TSEN2: variants seen among roughly 807,000 people sequenced by gnomAD.
The protein encoded by TSEN2 is tRNA-splicing endonuclease subunit Sen2.
TSEN2 carries 54 observed loss-of-function variants against 59.2 expected under a neutral mutation model. The observed-to-expected ratio is 0.91, with a 90% CI of 0.73 to 1.14. TSEN2 has a LOEUF of 1.14. Ranked by LOEUF, TSEN2 falls within the 50% of genes most tolerant of loss-of-function variation. The pLI is 0.00. For synonymous variants in TSEN2, 195 were observed against 198.2 expected, an observed-to-expected ratio of 0.98 and a Z score of 0.14; for missense variants, 636 against 576.2, an observed-to-expected ratio of 1.10 and a Z score of -1.06.
chr3:12,523,526 C>CTTTTTTTTTTTTGTTTTTTTTTTTTT (rs2056825979), intron 8 of TSEN2, among the ~76,000 whole-genome samples: 1 of 46,480 alleles, frequency 2.2e-5, no homozygotes, highest in Non-Finnish European at 4.3e-5. Flanking sequence ...CTCTTTGATT[C>CTTTTTTTTTTTTGTTTTTTTTTTTTT]TTTTTTTTTT....
intron 4 of TSEN2, among the ~76,000 whole-genome samples, chr3:12,502,812 A>T (rs1344779154): frequency 6.6e-6 from 1 of 151,822 alleles, no homozygotes; most frequent in Non-Finnish European, 1.5e-5. Context: ...GGTGGCTCAC[A>T]CCTGTAATCC....
chr3:12,524,917 T>C (rs1003041990), intron 8 of TSEN2, among the ~76,000 whole-genome samples: 18 of 151,880 alleles, frequency 1.2e-4, no homozygotes, highest in African/African-American at 4.1e-4. Flanking sequence ...CTAACATTTG[T>C]ATTTTTAGTA....
At chr3:12,481,939 A>G (rs1391192314), upstream of TSEN2, among the ~76,000 whole-genome samples, 2 of 150,076 alleles carry the variant, frequency 1.3e-5, no homozygotes, top group Non-Finnish European at 3.0e-5. Context: ...ATATATATAT[A>G]TATGTAGATG....
intron 1 of TSEN2, among the ~76,000 whole-genome samples, chr3:12,486,137 A>G (rs2052589035): frequency 6.6e-6 from 1 of 152,176 alleles, no homozygotes; most frequent in African/African-American, 2.4e-5. Flanking sequence ...GTGGATACCA[A>G]GGGATGACTA....
intron 4 of TSEN2, among the ~76,000 whole-genome samples, chr3:12,502,002 A>G (rs2054322837): frequency 6.6e-6 from 1 of 152,228 alleles, no homozygotes; most frequent in African/African-American, 2.4e-5. Context: ...CAAGTTTTAG[A>G]AACTTAACAA....
chr3:12,507,283 A>G (rs149149238), intron 6 of TSEN2, among the ~76,000 whole-genome samples: 19 of 152,358 alleles, frequency 1.2e-4, no homozygotes, highest in African/African-American at 4.3e-4. Context: ...ACGTGTGGCC[A>G]CTGGCTACTG....
Position 12,532,668 on chromosome 3 carries a change from A to G in TSEN2, c.1345A>G (p.Ile449Val), listed in dbSNP as rs1443193405. 3 of 1,613,940 alleles carry G rather than the reference A, an allele frequency of 1.9e-6. No individual in the cohort carries two copies. Among genetic ancestry groups the G allele is most frequent in the Non-Finnish European group, 2.5e-6 (3 of 1,180,012 alleles). Residue 449 changes from isoleucine (I) to valine (V), a missense_variant, in exon 12 of 12, where the codon ATT (isoleucine) becomes GTT (valine). Transcript: ENST00000284995. ...CMKRIKVQEV[I>V]LSRWVSSRER... ...TTTTTTTTATTGGTTGTAGGAGGTG[A>G]TTCTGAGTCGATGGGTTTCTTCACG...
At chr3:12,529,728 ATTAC>A (rs1160091417) in intron 9 of TSEN2, 30 bp from the exon 10 acceptor site, 1 of 1,581,470 alleles carries the variant, frequency 6.3e-7, no homozygotes, top group Non-Finnish European at 8.7e-7. Context: ...TTATTTCATG[ATTAC>A]TTTTAACATG....
chr3:12,484,075 T>C (rs561050218), upstream of TSEN2, among the ~76,000 whole-genome samples: 1 of 152,356 alleles, frequency 6.6e-6, no homozygotes, highest in African/African-American at 2.4e-5. Context: ...GGTGCGCTGC[T>C]GTGATCCTCT....
In TSEN2 at chr3:12,503,793, A is replaced by C; in HGVS notation, c.831+9A>C. On this transcript the variant is annotated intron_variant, in intron 5 of 11. Coordinates refer to ENST00000284995, the MANE Select transcript of TSEN2 (RefSeq NM_025265.4). ...CTGCCCCAAATGAGGAAGTAAGTAG[A>C]AGAAAATAAATCGCTTCCTCCAAAG... 6.2e-7 allele frequency: 1 copy of C among 1,613,286 alleles called. No individual in the cohort carries two copies. Among genetic ancestry groups the C allele is most frequent in the South Asian group, 1.1e-5 (1 of 90,860 alleles).
At position 12,506,840 on chromosome 3, in the gene TSEN2, G is replaced by A. The variant is rs530133446; in HGVS notation, c.909+1609G>A. 2.8e-4 allele frequency: 274 copies of A among 985,332 alleles called. 2 individuals carry two copies. The highest frequency in any genetic ancestry group is 2.6e-3 in the Middle Eastern group (5 of 1,914). The allele number at this position is 985,332 out of a possible 1,614,324, so 61.0% of individuals were successfully genotyped here. A position where few individuals can be genotyped will look rare whatever the true frequency, so the allele number is the denominator to read the frequency against. On this transcript the variant is annotated intron_variant, in intron 6 of 11. Transcript: ENST00000284995. ...AGTGTGGTTCTTGGCATACAGGTAGGTCCCAAGAAGTGCTATGGAACACAT... is the reference window on the plus strand; with the variant it reads ...AGTGTGGTTCTTGGCATACAGGTAGATCCCAAGAAGTGCTATGGAACACAT...
At position 12,485,251 on chromosome 3, in the gene TSEN2, G is replaced by C. The variant is rs867712232; in HGVS notation, c.-18+371G>C. Among the ~76,000 whole-genome samples, 103 of 152,266 alleles carry C rather than the reference G, an allele frequency of 6.8e-4. No individual in the cohort carries two copies. The Middle Eastern group carries it at 0.017, about 25-fold the overall frequency. ...GTTTGTTTGGCACCTAGTCCAGGAA[G>C]GTTGGAAAATTAAATGGAGCCACCT... On this transcript the variant is annotated intron_variant, in intron 1 of 11. Transcript: ENST00000284995.
At chr3:12,535,634 C>G (rs577146808), downstream of TSEN2, among the ~76,000 whole-genome samples, 3 of 152,082 alleles carry the variant, frequency 2.0e-5, no homozygotes, top group Admixed American at 2.0e-4. Context: ...TGAGTTCAAG[C>G]GATTCTCCTG....
intron 6 of TSEN2, among the ~76,000 whole-genome samples, chr3:12,515,887 A>G (rs764650831): frequency 1.3e-5 from 2 of 151,492 alleles, no homozygotes; most frequent in African/African-American, 4.8e-5. Context: ...TTTTTTGTTG[A>G]TATATTTTTC....
Position 12,505,245 on chromosome 3 carries a change from ATAT to A in TSEN2, c.909+22_909+24del, listed in dbSNP as rs745700755. On this transcript the variant is annotated intron_variant, in intron 6 of 11. Coordinates refer to ENST00000284995, the MANE Select transcript of TSEN2 (RefSeq NM_025265.4). ...AGCCTAGAAGAGGTATGTTTTCAAC[ATAT>A]TATTATTTCAGCCATCGGTCTCTGG... The A allele has an allele frequency of 1.5e-5, 24 of 1,558,592 alleles. No individual in the cohort carries two copies. The highest frequency in any genetic ancestry group is 1.7e-4 in the Middle Eastern group (1 of 5,976).
rs781750491 is a variant in TSEN2, at chr3:12,503,450, G to C, written c.497G>C (p.Gly166Ala). The C allele has an allele frequency of 1.9e-5, 30 of 1,614,126 alleles. No homozygotes were observed. The East Asian group carries it at 3.6e-4, about 19-fold the overall frequency. ...GMVSNMEGTA[G>A]GERPSVVNGD... The stretch of plus-strand genomic sequence containing the variant: ...GTTTCCAACATGGAAGGCACAGCAG[G>C]GGGAGAGAGACCTTCTGTGGTAAAC... Residue 166 changes from glycine to alanine, a missense_variant, in exon 5 of 12, where the codon GGG (glycine) becomes GCG (alanine). Physicochemically the swap from Gly to Ala is moderately conservative, Grantham distance 60. Transcript: ENST00000284995.
At chr3:12,526,567 T>C (rs1218504166) in intron 8 of TSEN2, among the ~76,000 whole-genome samples, 1 of 152,216 alleles carries the variant, frequency 6.6e-6, no homozygotes, top group East Asian at 1.9e-4. Flanking sequence ...ACAACGAAAT[T>C]GCCTAAGGAC....
chr3:12,491,637 G>A (rs986040833), intron 2 of TSEN2, among the ~76,000 whole-genome samples: 4 of 152,142 alleles, frequency 2.6e-5, no homozygotes, highest in Non-Finnish European at 4.4e-5. Flanking sequence ...CTCTTGAAGC[G>A]ATTAGAAAGG....
At chr3:12,487,928 T>C (rs1355376508) in intron 1 of TSEN2, among the ~76,000 whole-genome samples, 1 of 152,180 alleles carries the variant, frequency 6.6e-6, no homozygotes, top group Non-Finnish European at 1.5e-5. Context: ...ATCTAGCATG[T>C]TGCTGCTTAG....
Sources: gnomAD v4.1 joint callset for allele counts (sites outside exome capture counted in the v4.1 genomes callset) on GRCh38, gnomAD v4.1.1 for gene constraint, MANE v1.5 for transcripts, NCBI Gene and HGNC (gene_info 2026-07-23, HGNC 2026-07-21) for gene names.